The following NELL2 variants were observed in gnomAD, a reference collection of about 807,000 sequenced individuals.
The protein encoded by NELL2 is protein kinase C-binding protein NELL2.
Under a neutral mutation model 109.6 loss-of-function variants are expected in NELL2, and 41 were observed. The ratio of observed to expected loss-of-function variants is 0.37; its 90% CI spans 0.29 to 0.49. The LOEUF is 0.49. NELL2 is among the 20% of genes least tolerant of loss of function. The pLI is 0.98. For missense variants in NELL2, 900 were observed against 1,008.3 expected (o/e 0.89, Z 1.45); for synonymous variants, 355 against 344.7 (o/e 1.03, Z -0.33).
chr12:44,850,881 T>C (rs1033989653), intron 2 of NELL2, among the ~76,000 whole-genome samples: 1 of 152,296 alleles, frequency 6.6e-6, no homozygotes, highest in African/African-American at 2.4e-5. Flanking sequence ...CAGCCAAAGA[T>C]ATCAGGAAGT....
chr12:44,867,018 G>C (rs2136823189), intron 2 of NELL2, among the ~76,000 whole-genome samples: 1 of 152,150 alleles, frequency 6.6e-6, no homozygotes, highest in South Asian at 2.1e-4. Flanking sequence ...CTTCATCAAA[G>C]AAAAGTCCAA....
At chr12:44,521,510 A>C (rs921420452) in intron 18 of NELL2, among the ~76,000 whole-genome samples, 4 of 144,882 alleles carry the variant, frequency 2.8e-5, no homozygotes, top group Non-Finnish European at 6.0e-5. Flanking sequence ...AGCCTGGGCG[A>C]CAGAGCGAGA....
chr12:44,875,273 G>T lies in NELL2; in HGVS notation c.136C>A (p.Arg46Ser). Residue 46 changes from arginine to serine, a missense_variant, in exon 2 of 20, where the codon CGT (arginine) becomes AGT (serine). Coordinates refer to ENST00000429094, the MANE Select transcript of NELL2 (RefSeq NM_001145108.2). Reference sequence around the variant, plus strand: ...CCATTATGCAGCCCCGGGACCTGACGCACTCCGGTCGTGGACTCCCCAAGT... The same window carrying T: ...CCATTATGCAGCCCCGGGACCTGACTCACTCCGGTCGTGGACTCCCCAAGT... ...LELGESTTGVRQVPGLHNGTK... is the reference protein window; with the variant it reads ...LELGESTTGVSQVPGLHNGTK... The T allele has an allele frequency of 6.2e-7, 1 of 1,614,110 alleles. No individual in the cohort carries two copies.
intron 12 of NELL2, among the ~76,000 whole-genome samples, chr12:44,683,903 A>T (rs1411655829): frequency 1.3e-5 from 2 of 152,138 alleles, no homozygotes; most frequent in Admixed American, 6.6e-5. Flanking sequence ...TGTCTCTGCC[A>T]GGCTTTGGTA....
intron 9 of NELL2, among the ~76,000 whole-genome samples, chr12:44,761,309 G>A (rs776079373): frequency 3.2e-4 from 49 of 151,976 alleles, no homozygotes; most frequent in African/African-American, 1.2e-3. Flanking sequence ...CGGAGGTTGC[G>A]GTGAGCCAAG....
intron 11 of NELL2, among the ~76,000 whole-genome samples, chr12:44,706,359 C>G (rs968729097): frequency 6.6e-6 from 1 of 152,112 alleles, no homozygotes; most frequent in African/African-American, 2.4e-5. Context: ...AAAATTCAGA[C>G]TTGATTTCGA....
At chr12:44,743,201 A>G (rs535255912) in intron 9 of NELL2, among the ~76,000 whole-genome samples, 11 of 152,182 alleles carry the variant, frequency 7.2e-5, no homozygotes, top group Non-Finnish European at 1.2e-4. Context: ...CACCCAAACT[A>G]AGCTTCATAA....
chr12:44,914,935 G>A (rs555691056), upstream of NELL2, among the ~76,000 whole-genome samples: 154 of 151,634 alleles, frequency 1.0e-3, no homozygotes, highest in African/African-American at 3.4e-3. Flanking sequence ...CTGTAAGCTC[G>A]GTCTCCTGGG....
intron 9 of NELL2, among the ~76,000 whole-genome samples, chr12:44,742,572 C>T (rs916173665): frequency 3.4e-4 from 51 of 152,178 alleles, no homozygotes; most frequent in African/African-American, 9.6e-4. Context: ...AAAAATTAGA[C>T]GAATGGATAA....
intron 12 of NELL2, among the ~76,000 whole-genome samples, chr12:44,671,848 T>C (rs1432632537): frequency 6.6e-6 from 1 of 152,160 alleles, no homozygotes; most frequent in African/African-American, 2.4e-5. Flanking sequence ...CTGAAAGCCA[T>C]AGTAGGAGTC....
intron 19 of NELL2, among the ~76,000 whole-genome samples, chr12:44,519,219 G>A (rs1941412206): frequency 6.6e-6 from 1 of 152,182 alleles, no homozygotes; most frequent in Admixed American, 6.6e-5. Context: ...TTACTGTTAA[G>A]CCTTCAGGTT....
intron 3 of NELL2, among the ~76,000 whole-genome samples, chr12:44,795,488 T>C (rs1188799030): frequency 1.3e-5 from 2 of 152,148 alleles, no homozygotes; most frequent in Non-Finnish European, 2.9e-5. Flanking sequence ...GCCTGAAACA[T>C]AGCAAGCACT....
At chr12:44,662,436 GC>G (rs1171437837) in intron 13 of NELL2, among the ~76,000 whole-genome samples, 1 of 152,022 alleles carries the variant, frequency 6.6e-6, no homozygotes, top group Non-Finnish European at 1.5e-5. Context: ...TCATATTCCA[GC>G]CCCCTTTGCT....
At chr12:44,537,871 C>A (rs1183920374) in intron 15 of NELL2, among the ~76,000 whole-genome samples, 1 of 152,036 alleles carries the variant, frequency 6.6e-6, no homozygotes, top group African/African-American at 2.4e-5. Flanking sequence ...TATAAGAAGA[C>A]TGATTTTCTC....
At chr12:44,695,311 A>C (rs183832623) in intron 12 of NELL2, among the ~76,000 whole-genome samples, 228 of 152,020 alleles carry the variant, frequency 1.5e-3, no homozygotes, top group African/African-American at 3.4e-3. Context: ...AAAAAAGAAG[A>C]AGCAGCATTC....
intron 9 of NELL2, among the ~76,000 whole-genome samples, chr12:44,754,165 A>G (rs2136533487): frequency 6.6e-6 from 1 of 152,320 alleles, no homozygotes; most frequent in Non-Finnish European, 1.5e-5. Flanking sequence ...ACGAGACATC[A>G]TTTTACTTCT....
chr12:44,511,381 C>A (rs1208863032), intron 19 of NELL2, among the ~76,000 whole-genome samples: 1 of 152,160 alleles, frequency 6.6e-6, no homozygotes, highest in African/African-American at 2.4e-5. Context: ...GCAGACACTA[C>A]AGCAGTTTCA....
intron 1 of NELL2, among the ~76,000 whole-genome samples, chr12:44,900,078 T>A (rs964226414): frequency 6.6e-6 from 1 of 152,156 alleles, no homozygotes. Flanking sequence ...TAAACATATA[T>A]GCACTCAACA....
rs759847225 is a variant in NELL2 at position 44,624,994 on chromosome 12, G to GTATATATATATATA, written c.1445-14025_1445-14024insTATATATATATATA. 7.6e-5 allele frequency among the ~76,000 whole-genome samples: 9 copies of GTATATATATATATA among 118,690 alleles called. 1 individual carries two copies. The highest frequency in any genetic ancestry group is 6.4e-4 in the South Asian group (2 of 3,142). 77.9% of individuals were successfully genotyped at this position (118,690 alleles called of 152,430 possible). A position where few individuals can be genotyped will look rare whatever the true frequency, so the allele number is the denominator to read the frequency against. The stretch of plus-strand genomic sequence containing the variant: ...AGATGACAAATATATATATATGTGT[G>GTATATATATATATA]TGTATATATATATATATATATATAT... On this transcript the variant is annotated intron_variant, in intron 13 of 19. Transcript: ENST00000429094.
Sources: gnomAD v4.1 joint callset for allele counts (sites outside exome capture counted in the v4.1 genomes callset) on GRCh38, gnomAD v4.1.1 for gene constraint, MANE v1.5 for transcripts, NCBI Gene and HGNC (gene_info 2026-07-23, HGNC 2026-07-21) for gene names.